The following RHEB variants were observed in gnomAD, a reference collection of about 807,000 sequenced individuals.
The protein encoded by RHEB is Ras homolog, mTORC1 binding, also known as GTP-binding protein Rheb.
In RHEB, 2 loss-of-function variants were observed where a neutral mutation model predicts 28.8. That is an observed-to-expected ratio of 0.07 (90% CI 0.03 to 0.22). RHEB has a LOEUF of 0.22. RHEB is among the 10% of genes least tolerant of loss of function. The probability of loss-of-function intolerance (pLI) is 1.00; values close to 1 mark genes in which losing one functional copy is unlikely to be tolerated. For missense variants in RHEB, 76 were observed against 219.9 expected (o/e 0.35, Z 4.14); for synonymous variants, 69 against 77.3 (o/e 0.89, Z 0.56).
chr7:151,502,819 G>C, intron 1 of RHEB: 1 of 1,247,490 alleles, frequency 8.0e-7, no homozygotes. Context: ...GGGACAAAGT[G>C]AATGTGGCTG....
chr7:151,469,012 T>C (rs1802113377), intron 7 of RHEB, among the ~76,000 whole-genome samples: 1 of 152,240 alleles, frequency 6.6e-6, no homozygotes, highest in South Asian at 2.1e-4. Context: ...ATACAGTCCA[T>C]AGGCACTCAA....
At chr7:151,473,078 C>T (rs1277502539) in intron 4 of RHEB, among the ~76,000 whole-genome samples, 4 of 152,238 alleles carry the variant, frequency 2.6e-5, no homozygotes, top group African/African-American at 7.2e-5. Context: ...TCCTAGTGGC[C>T]ACACTGTGTG....
intron 1 of RHEB, among the ~76,000 whole-genome samples, chr7:151,495,674 G>A (rs79733098): frequency 0.033 from 5,093 of 152,204 alleles, 270 homozygotes; most frequent in African/African-American, 0.11. Context: ...TTATTAGCCC[G>A]GTGTGGTGGC....
At chr7:151,474,534 A>T (rs896510463) in intron 4 of RHEB, among the ~76,000 whole-genome samples, 4 of 152,050 alleles carry the variant, frequency 2.6e-5, no homozygotes, top group African/African-American at 4.8e-5. Context: ...GGAGAGATCT[A>T]CTCCTATATC....
At chr7:151,475,389 T>C (rs74939277) in intron 4 of RHEB, among the ~76,000 whole-genome samples, 4,665 of 152,306 alleles carry the variant, frequency 0.031, 100 homozygotes, top group Middle Eastern at 0.068. Flanking sequence ...TAGGATAAAA[T>C]TGTACTTACC....
chr7:151,515,117 T>C (rs544600019), intron 1 of RHEB, among the ~76,000 whole-genome samples: 15 of 146,130 alleles, frequency 1.0e-4, no homozygotes, highest in African/African-American at 3.5e-4. Flanking sequence ...AATTGACAAA[T>C]GCATAGAAAA....
At chr7:151,474,721 A>C (rs2150921804) in intron 4 of RHEB, among the ~76,000 whole-genome samples, 1 of 152,330 alleles carries the variant, frequency 6.6e-6, no homozygotes, top group East Asian at 1.9e-4. Flanking sequence ...GAGCAATTCT[A>C]CAGGGGTTTT....
intron 1 of RHEB, among the ~76,000 whole-genome samples, chr7:151,499,009 T>C (rs765146271): frequency 8.5e-5 from 13 of 152,182 alleles, no homozygotes; most frequent in South Asian, 2.1e-4. Context: ...TGGGAATACA[T>C]TGATGAATAG....
intron 1 of RHEB, chr7:151,501,844 A>G (rs1170937753): frequency 1.8e-6 from 1 of 552,220 alleles, no homozygotes; most frequent in East Asian, 4.3e-5. Context: ...GCTGCTGCCC[A>G]GAACTGGGCC....
chr7:151,509,631 G>C (rs1802948570), intron 1 of RHEB, among the ~76,000 whole-genome samples: 1 of 152,122 alleles, frequency 6.6e-6, no homozygotes, highest in African/African-American at 2.4e-5. Context: ...CCACTTCACA[G>C]AACAGCAGGA....
chr7:151,512,688 C>T (rs2374261), intron 1 of RHEB, among the ~76,000 whole-genome samples: 59,451 of 152,094 alleles, frequency 0.39, 13,990 homozygotes, highest in South Asian at 0.6. Context: ...GGAACCATAT[C>T]GCTGTGAACA....
intron 1 of RHEB, among the ~76,000 whole-genome samples, chr7:151,505,218 T>A (rs921967349): frequency 2.7e-5 from 4 of 150,680 alleles, no homozygotes; most frequent in Non-Finnish European, 5.9e-5. Context: ...CTTACAAACT[T>A]CTTCTGTTCT....
At chr7:151,474,850 G>T (rs1039296288) in intron 4 of RHEB, among the ~76,000 whole-genome samples, 2 of 152,068 alleles carry the variant, frequency 1.3e-5, no homozygotes, top group Non-Finnish European at 2.9e-5. Flanking sequence ...CAACAAACTG[G>T]TTGATTCAGA....
chr7:151,485,394 G>A (rs570094707), intron 2 of RHEB, among the ~76,000 whole-genome samples: 1 of 152,300 alleles, frequency 6.6e-6, no homozygotes, highest in South Asian at 2.1e-4. Context: ...AAGAAAATCA[G>A]ACTTGAATAA....
chr7:151,478,862 T>C (rs903905652), intron 3 of RHEB, among the ~76,000 whole-genome samples: 2 of 152,114 alleles, frequency 1.3e-5, no homozygotes, highest in Non-Finnish European at 2.9e-5. Context: ...CTCGAACCCC[T>C]GACCTCAGGT....
At chr7:151,479,749 C>G (rs1237587747) in intron 3 of RHEB, among the ~76,000 whole-genome samples, 3 of 149,958 alleles carry the variant, frequency 2.0e-5, no homozygotes, top group African/African-American at 7.4e-5. Flanking sequence ...TGGCTGCAAA[C>G]CCCTCAAATA....
At chr7:151,504,927 G>T (rs541949023) in intron 1 of RHEB, among the ~76,000 whole-genome samples, 2 of 151,156 alleles carry the variant, frequency 1.3e-5, no homozygotes, top group South Asian at 4.2e-4. Flanking sequence ...CTTTTTACAG[G>T]TGTGGGACCT....
At chr7:151,481,483 T>C (rs1802381064) in intron 3 of RHEB, among the ~76,000 whole-genome samples, 1 of 152,204 alleles carries the variant, frequency 6.6e-6, no homozygotes, top group Non-Finnish European at 1.5e-5. Flanking sequence ...CTACTACCAG[T>C]CTTAATCCTA....
At chr7:151,489,303 A>G (rs999953922) in intron 2 of RHEB, among the ~76,000 whole-genome samples, 1 of 152,180 alleles carries the variant, frequency 6.6e-6, no homozygotes, top group Non-Finnish European at 1.5e-5. Context: ...ATTCCAGTGG[A>G]CAGAAAACCG....
Sources: gnomAD v4.1 joint callset for allele counts (sites outside exome capture counted in the v4.1 genomes callset) on GRCh38, gnomAD v4.1.1 for gene constraint, MANE v1.5 for transcripts, NCBI Gene and HGNC (gene_info 2026-07-23, HGNC 2026-07-21) for gene names.